ZW10: variants seen among roughly 807,000 people sequenced by gnomAD.
ZW10 encodes the protein centromere/kinetochore protein zw10 homolog.
ZW10 carries 53 observed loss-of-function variants against 87.8 expected under a neutral mutation model. The observed-to-expected ratio is 0.60, with a 90% confidence interval of 0.48 to 0.76. The LOEUF (loss-of-function observed/expected upper bound fraction) is 0.76, where lower values mean the gene tolerates loss of function less well. Ranked by LOEUF, ZW10 falls within the 30% of genes least tolerant of loss-of-function variation. The pLI is 0.00. For missense variants in ZW10, 837 were observed against 923.0 expected (o/e 0.91, Z 1.21); for synonymous variants, 312 against 329.2 (o/e 0.95, Z 0.57).
chr11:113,748,250 T>C lies in ZW10; in HGVS notation c.1089+7A>G, dbSNP rs1326606700. 1 of 1,606,792 alleles carries C rather than the reference T, an allele frequency of 6.2e-7. No homozygotes were observed. ...TTAAAACCTTCTGTGCTGTCTGGGC[T>C]CTTTACCTCTTCATATTGCTGTAAT... On this transcript the variant is annotated splice_region_variant and intron_variant, in intron 8 of 15. Transcript: ENST00000200135.
rs756978303 is a variant in ZW10, at chr11:113,760,269, G to T, written c.520C>A (p.Leu174Ile). ...MELTIQKQNI[L>I]YHLGEEWQKL... ...TGCCACTCTTCTCCAAGGTGATAAA[G>T]TATGTTCTGTTTCTGTATTGTGAGC... is the stretch of plus-strand genomic sequence containing the variant. The change falls in exon 5 of 16, where the codon CTT (leucine) becomes ATT (isoleucine). Residue 174 changes from leucine (L) to isoleucine (I), a missense_variant. Transcript: ENST00000200135. The T allele has an allele frequency of 6.2e-7, 1 of 1,614,088 alleles. No individual in the cohort carries two copies.
At chr11:113,745,379 A>T (rs1379055207) in intron 9 of ZW10, among the ~76,000 whole-genome samples, 1 of 151,960 alleles carries the variant, frequency 6.6e-6, no homozygotes, top group Non-Finnish European at 1.5e-5. Flanking sequence ...CTTTGCACAT[A>T]CTGGACTTCG....
chr11:113,733,669 A>G lies in ZW10; in HGVS notation c.*25T>C. On this transcript the variant is annotated 3_prime_UTR_variant, in exon 16 of 16. Transcript: ENST00000200135. The stretch of plus-strand genomic sequence containing the variant: ...CAAGGGAAGAATCCACATATTCAAG[A>G]CATAGCTTTCTTAAGAAGATGGAGC... The G allele has an allele frequency of 6.2e-7, 1 of 1,613,650 alleles. No homozygotes were observed.
chr11:113,769,699 G>T, intron 1 of ZW10: 1 of 362,378 alleles, frequency 2.8e-6, no homozygotes, highest in Non-Finnish European at 5.5e-6. Flanking sequence ...TGAGTTGGTG[G>T]GAGCATGGAC....
At chr11:113,759,003 G>C (rs1453522234) in intron 5 of ZW10, among the ~76,000 whole-genome samples, 1 of 152,288 alleles carries the variant, frequency 6.6e-6, no homozygotes, top group Middle Eastern at 3.4e-3. Flanking sequence ...GTGAGACGCT[G>C]TCTCTAACAA....
At chr11:113,760,709 GA>G (rs5794880) in intron 3 of ZW10, 107 bp downstream of exon 3, 356,568 of 897,208 alleles carry the variant, frequency 0.4, 63,787 homozygotes, top group Non-Finnish European at 0.43. Flanking sequence ...AAAAAAGAAA[GA>G]AAAAAAAATA....
chr11:113,757,630 A>G (rs758153813), intron 7 of ZW10, 32 bp downstream of exon 7: 1 of 1,362,400 alleles, frequency 7.3e-7, no homozygotes, highest in Admixed American at 2.7e-5. Context: ...TTAGTTTCCA[A>G]AATATAAAAG....
chr11:113,767,248 T>C (rs1173811385), intron 2 of ZW10, among the ~76,000 whole-genome samples: 3 of 152,052 alleles, frequency 2.0e-5, no homozygotes, highest in Non-Finnish European at 2.9e-5. Flanking sequence ...TATTTTTTTT[T>C]ACAACAGTCT....
intron 5 of ZW10, among the ~76,000 whole-genome samples, chr11:113,758,953 C>T (rs1392686199): frequency 3.3e-5 from 5 of 152,092 alleles, no homozygotes; most frequent in African/African-American, 1.2e-4. Flanking sequence ...GCGGGAGGAT[C>T]ACTTGAGCCC....
chr11:113,752,102 T>C (rs1056741111), intron 7 of ZW10, among the ~76,000 whole-genome samples: 1 of 152,260 alleles, frequency 6.6e-6, no homozygotes, highest in African/African-American at 2.4e-5. Context: ...CAATGCTCAT[T>C]AGTTGAATCT....
rs116167427 is a variant in ZW10, at chr11:113,741,568, G to A, written c.1583+126C>T. 3.8e-3 allele frequency: 2,105 copies of A among 551,650 alleles called. 51 individuals are homozygous for A. The highest frequency in any genetic ancestry group is 0.038 in the African/African-American group (1,948 of 51,212). 34.2% of individuals were successfully genotyped at this position (551,650 alleles called of 1,614,324 possible). ...AATATGCGTTTTAAAATGATTTACTGCATTTTAGTGTGAATGTTAGTAAAC... is the reference window on the plus strand; with the variant it reads ...AATATGCGTTTTAAAATGATTTACTACATTTTAGTGTGAATGTTAGTAAAC... On this transcript the variant is annotated intron_variant, in intron 11 of 15. Transcript: ENST00000200135.
At chr11:113,773,347 A>G (rs910424201) in intron 1 of ZW10, among the ~76,000 whole-genome samples, 1 of 149,744 alleles carries the variant, frequency 6.7e-6, no homozygotes, top group African/African-American at 2.5e-5. Flanking sequence ...TCAGTTCCCA[A>G]CCCCTGTGTG....
chr11:113,733,841 T>C (rs1421156399), intron 15 of ZW10, 27 bp from the exon 16 acceptor site: 1 of 1,579,152 alleles, frequency 6.3e-7, no homozygotes, highest in Non-Finnish European at 8.6e-7. Context: ...AGAGTTCCAT[T>C]TCCTATTAGG....
Position 113,737,649 on chromosome 11 carries a change from T to A in ZW10, c.1939A>T (p.Asn647Tyr), listed in dbSNP as rs1440680272. 1 of 1,613,538 alleles carries A rather than the reference T, an allele frequency of 6.2e-7. No individual in the cohort carries two copies. The highest frequency in any genetic ancestry group is 8.5e-7 in the Non-Finnish European group (1 of 1,179,676). ...GTCCCCATAGCCTTGCAATATATAT[T>A]CACTGGCAGGACATCCTGCCACACA... ...GIVWQDVLPV[N>Y]IYCKAMGTLL... Residue 647 changes from asparagine to tyrosine, a missense_variant, in exon 14 of 16, where the codon AAT becomes TAT. Asn to Tyr is a moderately radical substitution (Grantham distance 143). Coordinates refer to ENST00000200135, the MANE Select transcript of ZW10 (RefSeq NM_004724.4).
chr11:113,747,314 C>T (rs1953688959), intron 9 of ZW10, among the ~76,000 whole-genome samples: 1 of 152,124 alleles, frequency 6.6e-6, no homozygotes, highest in Non-Finnish European at 1.5e-5. Context: ...TTATACAAGG[C>T]TTTCATGTGC....
chr11:113,773,192 C>G (rs1937659457), intron 1 of ZW10, among the ~76,000 whole-genome samples: 2 of 151,966 alleles, frequency 1.3e-5, no homozygotes, highest in South Asian at 2.1e-4. Flanking sequence ...CTAGCTTCCT[C>G]GGAGCTTCCA....
intron 15 of ZW10, 92 bp downstream of exon 15, chr11:113,736,528 C>T: frequency 7.6e-7 from 1 of 1,320,788 alleles, no homozygotes; most frequent in South Asian, 1.2e-5. Flanking sequence ...TGACTAACAT[C>T]AGGAAACAGG....
intron 1 of ZW10, 146 bp from the exon 2 acceptor site, chr11:113,769,113 T>C (rs919479920): frequency 1.3e-6 from 1 of 744,256 alleles, no homozygotes; most frequent in Non-Finnish European, 2.1e-6. Context: ...TCCAAGCCAA[T>C]GAGTTTATTT....
rs1480771675 is a variant in ZW10, at chr11:113,741,738, CCTCA to C, written c.1535_1538del (p.Val512GlyfsTer41). ...CATCATGGAACAAATGGAAGATATTCCTCACTGAGTAGAAAAGTTGAACAGCACT... is the reference window on the plus strand; with the variant it reads ...CATCATGGAACAAATGGAAGATATTCCTGAGTAGAAAAGTTGAACAGCACT... On this transcript the variant is annotated frameshift_variant, in exon 11 of 16. Coordinates refer to ENST00000200135, the MANE Select transcript of ZW10 (RefSeq NM_004724.4). LOFTEE classifies it high-confidence loss of function. 2 of 1,608,022 alleles carry C rather than the reference CCTCA, an allele frequency of 1.2e-6. No homozygotes were observed. Among genetic ancestry groups the C allele is most frequent in the Admixed American group, 3.4e-5 (2 of 58,972 alleles).
Sources: gnomAD v4.1 joint callset for allele counts (sites outside exome capture counted in the v4.1 genomes callset) on GRCh38, gnomAD v4.1.1 for gene constraint, MANE v1.5 for transcripts, NCBI Gene and HGNC (gene_info 2026-07-23, HGNC 2026-07-21) for gene names.